Variants in PCDH7 observed in about 807,000 individuals in gnomAD.
PCDH7 encodes protocadherin-7.
PCDH7 carries 17 observed loss-of-function variants against 58.9 expected under a neutral mutation model. The ratio of observed to expected loss-of-function variants is 0.29; its 90% CI spans 0.20 to 0.43. PCDH7 has a LOEUF of 0.43. Among genes scored for constraint, PCDH7 ranks in the 20% least tolerant of loss-of-function variants. The pLI is 1.00. For synonymous variants in PCDH7, 664 were observed against 616.4 expected, an observed-to-expected ratio of 1.08 and a Z score of -1.14; for missense variants, 1,274 against 1,441.0, an observed-to-expected ratio of 0.88 and a Z score of 1.88.
intron 3 of PCDH7, among the ~76,000 whole-genome samples, chr4:30,959,542 G>C (rs1445606025): frequency 2.6e-5 from 4 of 152,110 alleles, no homozygotes; most frequent in Non-Finnish European, 5.9e-5. Flanking sequence ...ACTTTGACAT[G>C]ACTATAGTTT....
chr4:30,835,819 A>T (rs976509414), intron 1 of PCDH7, among the ~76,000 whole-genome samples: 1 of 152,164 alleles, frequency 6.6e-6, no homozygotes, highest in Non-Finnish European at 1.5e-5. Context: ...CATGCTGAAC[A>T]TTTTTTAAAA....
At chr4:30,908,099 G>C (rs983890722) in intron 1 of PCDH7, among the ~76,000 whole-genome samples, 6 of 152,016 alleles carry the variant, frequency 3.9e-5, no homozygotes, top group Admixed American at 2.0e-4. Context: ...GGGCCGGTTC[G>C]GGGGTGAGGG....
At chr4:30,910,858 C>T (rs535957786) in intron 1 of PCDH7, among the ~76,000 whole-genome samples, 2 of 152,060 alleles carry the variant, frequency 1.3e-5, no homozygotes, top group African/African-American at 2.4e-5. Flanking sequence ...CACATGCACA[C>T]GTATGTTTAC....
chr4:30,805,976 T>C (rs1371202405), intron 1 of PCDH7, among the ~76,000 whole-genome samples: 1 of 152,228 alleles, frequency 6.6e-6, no homozygotes, highest in Non-Finnish European at 1.5e-5. Context: ...GATTTTAGAA[T>C]ATTGCATTGT....
intron 1 of PCDH7, among the ~76,000 whole-genome samples, chr4:30,895,674 T>C (rs770118944): frequency 2.6e-5 from 4 of 151,972 alleles, no homozygotes; most frequent in African/African-American, 9.7e-5. Flanking sequence ...TCCCAGGATA[T>C]GAAAAAAATC....
Position 30,810,000 on chromosome 4 carries a change from G to C in PCDH7, c.70+85404G>C, listed in dbSNP as rs192314437. On this transcript the variant is annotated intron_variant, in intron 1 of 3. Coordinates refer to the PCDH7 transcript ENST00000509759. ...AATGTGCAGCTAACTCAGTGTGGCAGGATTACAGGTAGTTTTAAAGTTTTC... is the reference window on the plus strand; with the variant it reads ...AATGTGCAGCTAACTCAGTGTGGCACGATTACAGGTAGTTTTAAAGTTTTC... Among the ~76,000 whole-genome samples the C allele has an allele frequency of 3.6e-3, 544 of 152,146 alleles. 1 individual carries two copies. Among genetic ancestry groups the C allele is most frequent in the African/African-American group, 0.013 (521 of 41,508 alleles).
intron 1 of PCDH7, among the ~76,000 whole-genome samples, chr4:30,809,005 A>T (rs991778198): frequency 6.6e-6 from 1 of 152,214 alleles, no homozygotes; most frequent in Non-Finnish European, 1.5e-5. Context: ...TTTGTCCTCA[A>T]AAAAGAAAAT....
chr4:31,013,610 C>CACAA (rs999566404), intron 3 of PCDH7, among the ~76,000 whole-genome samples: 1 of 151,532 alleles, frequency 6.6e-6, no homozygotes, highest in African/African-American at 2.4e-5. Context: ...CACACACACA[C>CACAA]ACACACACAT....
At chr4:31,031,602 C>T (rs1001053713) in intron 3 of PCDH7, among the ~76,000 whole-genome samples, 1 of 151,818 alleles carries the variant, frequency 6.6e-6, no homozygotes, top group Non-Finnish European at 1.5e-5. Flanking sequence ...GTTGGCCTTC[C>T]CAATACCAAC....
In PCDH7 at chr4:31,094,007, C is replaced by T. The variant is rs1713614034; in HGVS notation, c.*8-48466C>T. ...GACATGTTTTTGGAAGACATGCATT[C>T]AAGGCTCTATCACTGTCTTTGGGAA... is the stretch of plus-strand genomic sequence containing the variant. On this transcript the variant is annotated intron_variant, in intron 3 of 3. Coordinates refer to the PCDH7 transcript ENST00000509759. Among the ~76,000 whole-genome samples the T allele has an allele frequency of 3.9e-5, 6 of 152,218 alleles. 1 individual carries two copies. In the South Asian group the frequency reaches 1.2e-3, roughly 32 times the overall value.
chr4:31,106,014 G>GAA (rs564639877), intron 3 of PCDH7, among the ~76,000 whole-genome samples: 186 of 106,712 alleles, frequency 1.7e-3, no homozygotes, highest in African/African-American at 4.8e-3. Context: ...CTCAAAAAAA[G>GAA]AAAAAAAAAA....
intron 3 of PCDH7, among the ~76,000 whole-genome samples, chr4:31,030,098 A>G (rs1263248207): frequency 6.6e-6 from 1 of 151,632 alleles, no homozygotes; most frequent in African/African-American, 2.4e-5. Context: ...ACTATGACTG[A>G]CAGGACAGCC....
chr4:31,017,466 A>C (rs1753707251), intron 3 of PCDH7, among the ~76,000 whole-genome samples: 1 of 152,202 alleles, frequency 6.6e-6, no homozygotes, highest in African/African-American at 2.4e-5. Context: ...AATGCCTAAC[A>C]GACTTTCGGA....
chr4:30,725,867 G>A (rs1714544908), intron 1 of PCDH7, among the ~76,000 whole-genome samples: 1 of 152,062 alleles, frequency 6.6e-6, no homozygotes, highest in South Asian at 2.1e-4. Flanking sequence ...ATTGAAATTA[G>A]TATTTTAAAT....
intron 1 of PCDH7, among the ~76,000 whole-genome samples, chr4:30,781,877 C>T (rs920061263): frequency 6.6e-6 from 1 of 152,148 alleles, no homozygotes; most frequent in Non-Finnish European, 1.5e-5. Context: ...GGTTGACTCG[C>T]TGACTAAAAT....
intron 3 of PCDH7, among the ~76,000 whole-genome samples, chr4:31,060,591 T>A (rs936244060): frequency 2.6e-5 from 4 of 151,846 alleles, no homozygotes; most frequent in Non-Finnish European, 5.9e-5. Flanking sequence ...ATACTGTCCA[T>A]ATGCCTTAAG....
At chr4:30,923,700 TA>T (rs2109418323) in intron 2 of PCDH7, among the ~76,000 whole-genome samples, 1 of 152,282 alleles carries the variant, frequency 6.6e-6, no homozygotes, top group South Asian at 2.1e-4. Flanking sequence ...AAAAATATTT[TA>T]AGAAAACCTT....
At chr4:30,949,733 A>G (rs2109446033) in intron 2 of PCDH7, among the ~76,000 whole-genome samples, 1 of 152,264 alleles carries the variant, frequency 6.6e-6, no homozygotes, top group East Asian at 1.9e-4. Context: ...ATGAGATGAT[A>G]ATCCTACTGT....
intron 3 of PCDH7, among the ~76,000 whole-genome samples, chr4:31,007,933 T>A (rs569365910): frequency 2.6e-5 from 4 of 152,250 alleles, no homozygotes; most frequent in African/African-American, 9.6e-5. Context: ...CCCTGAAATC[T>A]CATTGTAAAA....
Sources: allele counts gnomAD v4.1 joint callset (sites outside exome capture counted in the v4.1 genomes callset), GRCh38; gene constraint gnomAD v4.1.1; transcripts MANE v1.5; gene names NCBI Gene and HGNC (gene_info 2026-07-23, HGNC 2026-07-21).